The following GCLM variants were observed in gnomAD, a reference collection of about 807,000 sequenced individuals.
The protein encoded by GCLM is glutamate-cysteine ligase modifier subunit.
In GCLM, 15 loss-of-function variants were observed where a neutral mutation model predicts 36.0. The ratio of observed to expected loss-of-function variants is 0.42; its 90% confidence interval spans 0.28 to 0.64. The LOEUF is 0.64. Ranked by LOEUF, GCLM falls within the 30% of genes least tolerant of loss-of-function variation. The pLI is 0.25. For synonymous variants in GCLM, 129 were observed against 122.8 expected (o/e 1.05, Z -0.34); for missense variants, 242 against 325.5 (o/e 0.74, Z 1.97).
At chr1:93,890,280 G>T (rs1656486509) in intron 6 of GCLM, among the ~76,000 whole-genome samples, 1 of 151,986 alleles carries the variant, frequency 6.6e-6, no homozygotes, top group Admixed American at 6.6e-5. Context: ...AGGACAGAAG[G>T]ACTATATATA....
rs796930087 is a variant in GCLM, at chr1:93,887,091, G to T, written c.*1899C>A. On this transcript the variant is annotated 3_prime_UTR_variant, in exon 7 of 7. Coordinates refer to ENST00000370238, the MANE Select transcript of GCLM (RefSeq NM_002061.4). ...GCTCACTGCAAACTCCGCCTCCCAG[G>T]TTCAAGCGATTCTCGTGCCTCGCCT... The T allele has an allele frequency of 1.3e-5, 2 of 150,556 alleles. No homozygotes were observed. The highest frequency in any genetic ancestry group is 4.2e-4 in the South Asian group (2 of 4,804). The allele number at this position is 150,556 out of a possible 1,614,324, so 9.3% of individuals were successfully genotyped here. A position where few individuals can be genotyped will look rare whatever the true frequency, so the allele number is the denominator to read the frequency against.
chr1:93,894,527 T>A (rs955595144), intron 6 of GCLM, 87 bp downstream of exon 6: 3 of 737,930 alleles, frequency 4.1e-6, no homozygotes, highest in Non-Finnish European at 4.9e-6. Flanking sequence ...TTTATCACTG[T>A]CCACATTTAA....
intron 1 of GCLM, among the ~76,000 whole-genome samples, chr1:93,905,242 G>A (rs1354066492): frequency 6.6e-6 from 1 of 150,744 alleles, no homozygotes; most frequent in African/African-American, 2.4e-5. Context: ...GGAACTTGGA[G>A]TCAAGCCCAG....
rs1656464332 is a variant in GCLM, at chr1:93,889,739, T to C, written c.656-580A>G. Among the ~76,000 whole-genome samples the C allele has an allele frequency of 3.3e-5, 5 of 151,756 alleles. No homozygotes were observed. In the South Asian group the frequency reaches 1.0e-3, roughly 31 times the overall value. Reference sequence around the variant, plus strand: ...TTTTCCACTTATATTGTGAATATTTTCCCATGTAATAGTCTGTGAAAAGAT... The same window carrying C: ...TTTTCCACTTATATTGTGAATATTTCCCCATGTAATAGTCTGTGAAAAGAT... On this transcript the variant is annotated intron_variant, in intron 6 of 6. Transcript: ENST00000370238.
chr1:93,896,958 C>A, intron 4 of GCLM, 138 bp from the exon 5 acceptor site: 1 of 625,092 alleles, frequency 1.6e-6, no homozygotes, highest in South Asian at 2.0e-5. Context: ...TCATAGTTTA[C>A]TTTTCATTTA....
chr1:93,889,406 C>G (rs1656446213), intron 6 of GCLM, among the ~76,000 whole-genome samples: 1 of 151,896 alleles, frequency 6.6e-6, no homozygotes, highest in Non-Finnish European at 1.5e-5. Flanking sequence ...TGAGTGGAGC[C>G]TAGACATCTG....
Position 93,889,101 on chromosome 1 carries a change from T to C in GCLM, c.714A>G (p.Gln238=). The change falls in exon 7 of 7, where the codon CAA becomes CAG. Residue 238 remains glutamine (Q), a synonymous_variant. Coordinates refer to ENST00000370238, the MANE Select transcript of GCLM (RefSeq NM_002061.4). ...GCCACAGCGGCACCCACTCGTGCGC[T>C]TGAATGTCAGGAATGCTTTCCTGAA... is the stretch of plus-strand genomic sequence containing the variant. ...EALQESIPDI[Q]AHEWVPLWLL... 1.2e-6 allele frequency: 2 copies of C among 1,602,184 alleles called. No individual in the cohort carries two copies. Among genetic ancestry groups the C allele is most frequent in the South Asian group, 1.1e-5 (1 of 89,080 alleles).
intron 1 of GCLM, among the ~76,000 whole-genome samples, chr1:93,907,738 C>G (rs1657196816): frequency 6.6e-6 from 1 of 152,170 alleles, no homozygotes; most frequent in African/African-American, 2.4e-5. Flanking sequence ...AACATACACA[C>G]TGAGCTGGAA....
intron 1 of GCLM, among the ~76,000 whole-genome samples, chr1:93,906,711 T>C (rs954928279): frequency 3.9e-5 from 6 of 152,230 alleles, no homozygotes; most frequent in African/African-American, 1.4e-4. Context: ...CTTGGGTTAA[T>C]GTTTGTCATT....
intron 1 of GCLM, among the ~76,000 whole-genome samples, chr1:93,907,422 C>T (rs192525063): frequency 2.2e-4 from 34 of 152,204 alleles, no homozygotes; most frequent in African/African-American, 7.2e-4. Context: ...TCAGAATATA[C>T]GGTATAAGGG....
At chr1:93,902,246 C>A (rs1018091701) in intron 2 of GCLM, among the ~76,000 whole-genome samples, 1 of 141,814 alleles carries the variant, frequency 7.1e-6, no homozygotes, top group African/African-American at 2.7e-5. Flanking sequence ...GGCACGATCT[C>A]GGCTCACTGC....
chr1:93,904,664 T>C (rs1382220381), intron 1 of GCLM, 76 bp from the exon 2 acceptor site: 4 of 892,902 alleles, frequency 4.5e-6, no homozygotes, highest in African/African-American at 1.7e-5. Context: ...AAGAATATAT[T>C]AATTTGATAA....
rs568805478 is a variant in GCLM at position 93,895,813 on chromosome 1, T to C, written c.540+805A>G. Among the ~76,000 whole-genome samples, 8 of 152,310 alleles carry C rather than the reference T, an allele frequency of 5.3e-5. No individual in the cohort carries two copies. The South Asian group carries it at 1.7e-3, about 32-fold the overall frequency. On this transcript the variant is annotated intron_variant, in intron 5 of 6. Coordinates refer to ENST00000370238, the MANE Select transcript of GCLM (RefSeq NM_002061.4). ...CCAGAGAGTGGGAATAATTAATTTA[T>C]GACACTCACTCCATATCAAGTTGTA...
At position 93,904,524 on chromosome 1, in the gene GCLM, C is replaced by T. The variant is rs1657073963; in HGVS notation, c.191G>A (p.Arg64Lys). 1 of 1,598,838 alleles carries T rather than the reference C, an allele frequency of 6.3e-7. No homozygotes were observed. Among genetic ancestry groups the T allele is most frequent in the Non-Finnish European group, 8.6e-7 (1 of 1,166,168 alleles). Residue 64 changes from arginine to lysine, a missense_variant and splice_region_variant, in exon 2 of 7, where the codon AGG becomes AAG. Physicochemically the swap from Arg to Lys is conservative, Grantham distance 26. Coordinates refer to ENST00000370238, the MANE Select transcript of GCLM (RefSeq NM_002061.4). ...WSSQINPDLV[R>K]EFPDVLECTV... ...TTTTTGCATTCACATTTCACTTACCCTGACCAAATCTGGGTTGATTTGGGA... is the reference window on the plus strand; with the variant it reads ...TTTTTGCATTCACATTTCACTTACCTTGACCAAATCTGGGTTGATTTGGGA...
At chr1:93,908,157 A>C (rs529368172) in intron 1 of GCLM, among the ~76,000 whole-genome samples, 3 of 152,208 alleles carry the variant, frequency 2.0e-5, no homozygotes, top group Non-Finnish European at 4.4e-5. Context: ...TAGCTCCTAA[A>C]TCTAAAGATT....
chr1:93,899,723 T>A lies in GCLM; in HGVS notation c.278-1825A>T, dbSNP rs917842036. On this transcript the variant is annotated intron_variant, in intron 3 of 6. Coordinates refer to ENST00000370238, the MANE Select transcript of GCLM (RefSeq NM_002061.4). The stretch of plus-strand genomic sequence containing the variant: ...ACAACATAGGATGCTATTATTAATT[T>A]TTTTTTAAAACTTAGTAGGTACAAT... 5.9e-5 allele frequency among the ~76,000 whole-genome samples: 9 copies of A among 152,284 alleles called. No individual in the cohort carries two copies. In the East Asian group the frequency reaches 1.7e-3, roughly 29 times the overall value.
intron 1 of GCLM, among the ~76,000 whole-genome samples, chr1:93,906,413 G>A (rs1460328199): frequency 1.3e-5 from 2 of 152,114 alleles, no homozygotes; most frequent in African/African-American, 4.8e-5. Context: ...GGCTCAAATC[G>A]TGGGATAATT....
chr1:93,903,884 C>T (rs1657051152), intron 2 of GCLM, among the ~76,000 whole-genome samples: 2 of 152,098 alleles, frequency 1.3e-5, no homozygotes, highest in South Asian at 4.1e-4. Flanking sequence ...AATAAACAGT[C>T]ATTTCAGAGA....
intron 6 of GCLM, 70 bp downstream of exon 6, chr1:93,894,544 G>C: frequency 1.2e-6 from 1 of 815,232 alleles, no homozygotes; most frequent in South Asian, 1.4e-5. Flanking sequence ...TTAAAATTAT[G>C]TATCAACAAA....
Sources: allele counts gnomAD v4.1 joint callset (sites outside exome capture counted in the v4.1 genomes callset), GRCh38; gene constraint gnomAD v4.1.1; transcripts MANE v1.5; gene names NCBI Gene and HGNC (gene_info 2026-07-23, HGNC 2026-07-21).